The following EIPR1 variants were observed in gnomAD, a reference collection of about 807,000 sequenced individuals.
EIPR1 encodes EARP complex and GARP complex interacting protein 1.
Under a neutral mutation model 48.1 loss-of-function variants are expected in EIPR1, and 25 were observed. The ratio of observed to expected loss-of-function variants is 0.52; its 90% CI spans 0.38 to 0.73. The LOEUF (loss-of-function observed/expected upper bound fraction) is 0.73, where lower values mean the gene tolerates loss of function less well. Ranked by LOEUF, EIPR1 falls within the 30% of genes least tolerant of loss-of-function variation. The pLI is 0.00. For missense variants in EIPR1, 415 were observed against 506.2 expected (o/e 0.82, Z 1.73); for synonymous variants, 204 against 201.9 (o/e 1.01, Z -0.09).
intron 3 of EIPR1, among the ~76,000 whole-genome samples, chr2:3,261,561 C>T (rs541517412): frequency 6.6e-6 from 1 of 152,306 alleles, no homozygotes; most frequent in South Asian, 2.1e-4. Context: ...AATGCCATTC[C>T]CTGGGCAAAG....
rs201360549 is a variant in EIPR1 at position 3,194,030 on chromosome 2, G to T, written c.790C>A (p.Pro264Thr). 1.2e-4 allele frequency: 187 copies of T among 1,613,736 alleles called. No homozygotes were observed. The highest frequency in any genetic ancestry group is 1.6e-4 in the Middle Eastern group (1 of 6,074). Reference protein sequence around the residue: ...KFWDTRNVTEPVKTLEEHSHW... With the variant: ...KFWDTRNVTETVKTLEEHSHW... ...GAGTGCTCCTCCAGGGTCTTCACGG[G>T]TTCGGTGACATTTCGGGTGTCCCAG... Residue 264 changes from proline to threonine, a missense_variant, in exon 7 of 9, where the codon CCC becomes ACC. Physicochemically the swap from Pro to Thr is conservative, Grantham distance 38. Coordinates refer to ENST00000382125, the MANE Select transcript of EIPR1 (RefSeq NM_003310.5).
intron 5 of EIPR1, chr2:3,208,792 T>C (rs1266237893): frequency 1.3e-6 from 2 of 1,548,698 alleles, no homozygotes; most frequent in Admixed American, 3.9e-5. Flanking sequence ...GTGAGGCTCG[T>C]GGCAGGTCCT....
chr2:3,288,696 A>C (rs978997582), intron 3 of EIPR1, among the ~76,000 whole-genome samples: 7 of 152,222 alleles, frequency 4.6e-5, no homozygotes, highest in African/African-American at 1.4e-4. Context: ...GACAAGCCCA[A>C]CCTTCCATCA....
intron 4 of EIPR1, among the ~76,000 whole-genome samples, chr2:3,246,767 G>A (rs1666810182): frequency 6.9e-6 from 1 of 144,960 alleles, no homozygotes; most frequent in South Asian, 2.3e-4. Flanking sequence ...GAGGGAGGAA[G>A]GGAGGGAGAA....
intron 1 of EIPR1, among the ~76,000 whole-genome samples, chr2:3,358,696 A>G (rs1282533776): frequency 6.6e-6 from 1 of 152,200 alleles, no homozygotes; most frequent in African/African-American, 2.4e-5. Flanking sequence ...TCCAATTTAA[A>G]CAGCTCTGGC....
At chr2:3,360,522 G>A (rs1208763216) in intron 1 of EIPR1, among the ~76,000 whole-genome samples, 2 of 152,216 alleles carry the variant, frequency 1.3e-5, no homozygotes, top group Admixed American at 6.5e-5. Context: ...TGGAAATGCT[G>A]AGAGTTCAGG....
chr2:3,356,193 T>C (rs895200711), intron 1 of EIPR1, among the ~76,000 whole-genome samples: 1 of 152,180 alleles, frequency 6.6e-6, no homozygotes, highest in East Asian at 1.9e-4. Context: ...CCCCCATGGG[T>C]CAGTCACTGG....
At chr2:3,203,404 C>T (rs1665115647) in intron 5 of EIPR1, among the ~76,000 whole-genome samples, 1 of 152,198 alleles carries the variant, frequency 6.6e-6, no homozygotes, top group South Asian at 2.1e-4. Context: ...CTCACCAAGG[C>T]AGAGAGATAG....
At chr2:3,331,092 T>A in intron 3 of EIPR1, among the ~76,000 whole-genome samples, 1 of 137,036 alleles carries the variant, frequency 7.3e-6, no homozygotes, top group South Asian at 2.3e-4. Flanking sequence ...TGAGATGGTG[T>A]GAGCAGAGGC....
At chr2:3,369,101 T>C (rs1479367902) in intron 1 of EIPR1, among the ~76,000 whole-genome samples, 1 of 152,200 alleles carries the variant, frequency 6.6e-6, no homozygotes, top group East Asian at 1.9e-4. Context: ...CTTAAGAAAG[T>C]CTTGGTCCAT....
chr2:3,303,226 G>T (rs1351783263), intron 3 of EIPR1, among the ~76,000 whole-genome samples: 1 of 152,216 alleles, frequency 6.6e-6, no homozygotes, highest in South Asian at 2.1e-4. Context: ...ATCAACGTGA[G>T]GGGCTGGGTG....
At chr2:3,330,820 G>A (rs1454094589) in intron 3 of EIPR1, among the ~76,000 whole-genome samples, 2 of 145,090 alleles carry the variant, frequency 1.4e-5, no homozygotes, top group African/African-American at 2.6e-5. Context: ...AGACAGGCAC[G>A]TGTACACTCG....
intron 3 of EIPR1, among the ~76,000 whole-genome samples, chr2:3,326,261 G>A (rs928515378): frequency 2.6e-5 from 4 of 152,148 alleles, no homozygotes; most frequent in African/African-American, 7.2e-5. Flanking sequence ...ATTTAACAGC[G>A]GTGTTAGTCA....
chr2:3,335,805 T>C (rs1670024515), intron 3 of EIPR1, among the ~76,000 whole-genome samples: 1 of 152,150 alleles, frequency 6.6e-6, no homozygotes, highest in South Asian at 2.1e-4. Flanking sequence ...GGCCCTGGCT[T>C]CCGTCACCCC....
intron 1 of EIPR1, among the ~76,000 whole-genome samples, chr2:3,373,890 T>C (rs1461014247): frequency 6.6e-6 from 1 of 151,858 alleles, no homozygotes; most frequent in Non-Finnish European, 1.5e-5. Flanking sequence ...TTAAAGTTCA[T>C]ATGGAACCAA....
chr2:3,196,781 C>T (rs891568726), intron 6 of EIPR1, 100 bp downstream of exon 6: 2 of 1,473,492 alleles, frequency 1.4e-6, no homozygotes, highest in Admixed American at 2.4e-5. Flanking sequence ...AACCATGCGC[C>T]CCCAAAGGCA....
intron 1 of EIPR1, among the ~76,000 whole-genome samples, chr2:3,363,872 A>G (rs1195573081): frequency 6.6e-6 from 1 of 152,082 alleles, no homozygotes; most frequent in Non-Finnish European, 1.5e-5. Context: ...GACATTTCTC[A>G]AAAGAAGACG....
At chr2:3,283,673 C>T (rs541739048) in intron 3 of EIPR1, among the ~76,000 whole-genome samples, 1 of 152,318 alleles carries the variant, frequency 6.6e-6, no homozygotes, top group African/African-American at 2.4e-5. Flanking sequence ...CTGCTGGGCA[C>T]AGAGGCTCCA....
At chr2:3,344,619 A>ATACT (rs1430577771) in intron 2 of EIPR1, among the ~76,000 whole-genome samples, 2 of 143,254 alleles carry the variant, frequency 1.4e-5, no homozygotes, top group East Asian at 4.1e-4. Flanking sequence ...ATAGAAACAT[A>ATACT]TACTGGTTCT....
Sources: gnomAD v4.1 joint callset for allele counts (sites outside exome capture counted in the v4.1 genomes callset) on GRCh38, gnomAD v4.1.1 for gene constraint, MANE v1.5 for transcripts, NCBI Gene and HGNC (gene_info 2026-07-23, HGNC 2026-07-21) for gene names.